PTPN4: variants seen among roughly 807,000 people sequenced by gnomAD.
The protein encoded by PTPN4 is protein tyrosine phosphatase non-receptor type 4.
Under a neutral mutation model 135.5 loss-of-function variants are expected in PTPN4, and 49 were observed. The observed-to-expected ratio is 0.36, with a 90% CI of 0.29 to 0.46. The LOEUF is 0.46. Ranked by LOEUF, PTPN4 falls within the 20% of genes least tolerant of loss-of-function variation. PTPN4 has a pLI of 1.00. For synonymous variants in PTPN4, 333 were observed against 369.9 expected, an observed-to-expected ratio of 0.90 and a Z score of 1.14; for missense variants, 860 against 1,101.0, an observed-to-expected ratio of 0.78 and a Z score of 3.10.
intron 1 of PTPN4, among the ~76,000 whole-genome samples, chr2:119,762,339 A>G (rs566173653): frequency 3.8e-4 from 57 of 151,668 alleles, no homozygotes; most frequent in Non-Finnish European, 6.5e-4. Flanking sequence ...AAAACTTTTC[A>G]GCTTTTTTTT....
chr2:119,833,306 T>C (rs2104964555), intron 2 of PTPN4, among the ~76,000 whole-genome samples: 1 of 152,258 alleles, frequency 6.6e-6, no homozygotes, highest in East Asian at 1.9e-4. Flanking sequence ...TACTTTGTTG[T>C]AAATAACATT....
intron 2 of PTPN4, among the ~76,000 whole-genome samples, chr2:119,851,905 C>T (rs2104980325): frequency 6.6e-6 from 1 of 152,272 alleles, no homozygotes; most frequent in Middle Eastern, 3.4e-3. Flanking sequence ...TCCTGCCTGG[C>T]TTATGCCTGC....
intron 2 of PTPN4, among the ~76,000 whole-genome samples, chr2:119,837,777 A>G (rs925856991): frequency 2.0e-5 from 3 of 151,716 alleles, no homozygotes; most frequent in Admixed American, 1.3e-4. Context: ...GGCATCTCCA[A>G]GCTTCCAGGC....
chr2:119,824,521 A>G (rs1304354907), intron 2 of PTPN4, among the ~76,000 whole-genome samples: 2 of 152,042 alleles, frequency 1.3e-5, no homozygotes, highest in African/African-American at 4.8e-5. Context: ...TCAATTATCG[A>G]GAGAGTAGCA....
rs990213161 is a variant in PTPN4, at chr2:119,984,206, C to T, written c.*7136C>T. Among the ~76,000 whole-genome samples, 2 of 151,930 alleles carry T rather than the reference C, an allele frequency of 1.3e-5. No individual in the cohort carries two copies. The highest frequency in any genetic ancestry group is 4.8e-5 in the African/African-American group (2 of 41,360). Reference sequence around the variant, plus strand: ...TACAGTGTAGGCTTAATTTTAGAACCGATAATTTACTATATCTGCATTATT... The same window carrying T: ...TACAGTGTAGGCTTAATTTTAGAACTGATAATTTACTATATCTGCATTATT... On this transcript the variant is annotated 3_prime_UTR_variant, in exon 27 of 27. Coordinates refer to ENST00000263708, the MANE Select transcript of PTPN4 (RefSeq NM_002830.4).
At chr2:119,944,931 GTTAGGAAAATTTTCA>G in intron 15 of PTPN4, 135 bp from the exon 16 acceptor site, 1 of 543,282 alleles carries the variant, frequency 1.8e-6, no homozygotes, top group Non-Finnish European at 3.0e-6. Context: ...TTACTTCAAA[GTTAGGAAAATTTTCA>G]TTAAAAAGTG....
intron 2 of PTPN4, among the ~76,000 whole-genome samples, chr2:119,824,074 A>G (rs1461043229): frequency 6.6e-6 from 1 of 152,116 alleles, no homozygotes; most frequent in African/African-American, 2.4e-5. Context: ...ATTTATATGT[A>G]TGTCGTTTAG....
intron 2 of PTPN4, among the ~76,000 whole-genome samples, chr2:119,836,844 T>C (rs1175709591): frequency 1.3e-5 from 2 of 152,206 alleles, no homozygotes; most frequent in East Asian, 3.8e-4. Flanking sequence ...CCAGCCTCCT[T>C]CTGCCTCGGC....
chr2:119,878,909 C>T (rs537239832), intron 5 of PTPN4, among the ~76,000 whole-genome samples: 27 of 151,514 alleles, frequency 1.8e-4, no homozygotes, highest in Non-Finnish European at 3.2e-4. Flanking sequence ...CTGGCTAACA[C>T]GGTGAAACCC....
At chr2:119,820,917 A>G (rs1677057393) in intron 2 of PTPN4, among the ~76,000 whole-genome samples, 1 of 151,234 alleles carries the variant, frequency 6.6e-6, no homozygotes, top group South Asian at 2.1e-4. Flanking sequence ...TTGCATGTGT[A>G]TATGTATACA....
At chr2:119,896,543 G>A (rs1678326604) in intron 9 of PTPN4, among the ~76,000 whole-genome samples, 1 of 152,088 alleles carries the variant, frequency 6.6e-6, no homozygotes, top group Non-Finnish European at 1.5e-5. Flanking sequence ...TTTTCAGGTG[G>A]TGCATAATGC....
chr2:119,785,631 A>G (rs1691032963), intron 1 of PTPN4, among the ~76,000 whole-genome samples: 1 of 152,140 alleles, frequency 6.6e-6, no homozygotes. Context: ...TTTATTGTGA[A>G]AACTTTCAAA....
chr2:119,800,307 A>T (rs936173921), intron 1 of PTPN4, among the ~76,000 whole-genome samples: 2 of 152,206 alleles, frequency 1.3e-5, no homozygotes, highest in African/African-American at 4.8e-5. Flanking sequence ...GTGGTATCTC[A>T]TAATGGTCTT....
intron 13 of PTPN4, 57 bp from the exon 14 acceptor site, chr2:119,932,367 C>A: frequency 1.4e-6 from 2 of 1,426,074 alleles, no homozygotes; most frequent in Non-Finnish European, 9.4e-7. Context: ...GGATTTGATT[C>A]ATGGTTTGGG....
chr2:119,763,828 G>A (rs1473276313), intron 1 of PTPN4, among the ~76,000 whole-genome samples: 1 of 152,104 alleles, frequency 6.6e-6, no homozygotes, highest in Non-Finnish European at 1.5e-5. Context: ...AGCCAGATGT[G>A]GCTAGTAGCT....
Position 119,944,233 on chromosome 2 carries a change from T to C in PTPN4, c.1356-848T>C, listed in dbSNP as rs149483031. Among the ~76,000 whole-genome samples, 382 of 152,276 alleles carry C rather than the reference T, an allele frequency of 2.5e-3. 1 individual carries two copies. Among genetic ancestry groups the C allele is most frequent in the African/African-American group, 9.0e-3 (373 of 41,554 alleles). The stretch of plus-strand genomic sequence containing the variant: ...TTCTTTTATCAGATAATAACGCCAA[T>C]AGTGGTCAGTGTTCTTATCAAGAAC... On this transcript the variant is annotated intron_variant, in intron 15 of 26. Transcript: ENST00000263708.
chr2:119,800,526 C>CT (rs70949371), intron 1 of PTPN4, among the ~76,000 whole-genome samples: 46 of 142,378 alleles, frequency 3.2e-4, no homozygotes, highest in Middle Eastern at 3.6e-3. Flanking sequence ...GTTTTGCAGG[C>CT]TTTTTTTTTT....
chr2:119,893,374 G>C (rs1403349083), intron 9 of PTPN4, among the ~76,000 whole-genome samples: 2 of 152,198 alleles, frequency 1.3e-5, no homozygotes, highest in East Asian at 1.9e-4. Flanking sequence ...GGAAAGACCT[G>C]GGAGAAGTAG....
At chr2:119,932,144 C>G (rs919478645) in intron 13 of PTPN4, 1 of 201,844 alleles carries the variant, frequency 5.0e-6, no homozygotes, top group African/African-American at 2.4e-5. Context: ...TCCCTTTTTA[C>G]CTTTGTCCTT....
Sources: allele counts gnomAD v4.1 joint callset (sites outside exome capture counted in the v4.1 genomes callset), GRCh38; gene constraint gnomAD v4.1.1; transcripts MANE v1.5; gene names NCBI Gene and HGNC (gene_info 2026-07-23, HGNC 2026-07-21).